The following DLG1 variants were observed in gnomAD, a reference collection of about 807,000 sequenced individuals.
DLG1 encodes the protein disks large homolog 1.
In DLG1, 42 loss-of-function variants were observed where a neutral mutation model predicts 123.4. The ratio of observed to expected loss-of-function variants is 0.34; its 90% CI spans 0.27 to 0.44. DLG1 has a LOEUF of 0.44. Among genes scored for constraint, DLG1 ranks in the 20% least tolerant of loss-of-function variants. The pLI, the probability that DLG1 is intolerant of heterozygous loss-of-function variation, is 1.00. For missense variants in DLG1, 942 were observed against 1,082.6 expected, an observed-to-expected ratio of 0.87 and a Z score of 1.82; for synonymous variants, 317 against 356.2, an observed-to-expected ratio of 0.89 and a Z score of 1.24.
intron 17 of DLG1, 123 bp downstream of exon 17, chr3:197,080,928 T>C (rs1388587884): frequency 7.8e-6 from 6 of 773,196 alleles, no homozygotes; most frequent in South Asian, 2.2e-5. Flanking sequence ...TGCTTAAGTA[T>C]CTACCATTGT....
chr3:197,139,731 G>A (rs541556575), intron 8 of DLG1, among the ~76,000 whole-genome samples: 3 of 152,200 alleles, frequency 2.0e-5, no homozygotes, highest in South Asian at 4.1e-4. Flanking sequence ...TTATATACAT[G>A]TTTCCCAGCC....
At chr3:197,090,721 T>C (rs1757281737) in intron 15 of DLG1, among the ~76,000 whole-genome samples, 191 bp downstream of exon 15, 1 of 152,094 alleles carries the variant, frequency 6.6e-6, no homozygotes, top group Non-Finnish European at 1.5e-5. Flanking sequence ...CTTTCATTAA[T>C]AAAATTATTA....
chr3:197,234,056 G>C (rs949417506), intron 4 of DLG1, among the ~76,000 whole-genome samples: 8 of 152,222 alleles, frequency 5.3e-5, no homozygotes, highest in African/African-American at 1.4e-4. Context: ...GGCTGTGGCT[G>C]AGCGCCAATG....
At chr3:197,263,656 G>A (rs371936998) in intron 4 of DLG1, among the ~76,000 whole-genome samples, 12 of 151,892 alleles carry the variant, frequency 7.9e-5, no homozygotes, top group South Asian at 2.1e-4. Flanking sequence ...GCGTGGTGGC[G>A]CATGCCTGTA....
intron 4 of DLG1, among the ~76,000 whole-genome samples, chr3:197,268,436 T>C (rs983850165): frequency 8.5e-5 from 13 of 152,154 alleles, no homozygotes; most frequent in African/African-American, 2.9e-4. Flanking sequence ...TTTCTTTTTT[T>C]GGAGACAGGG....
At chr3:197,249,718 T>C (rs546839009) in intron 4 of DLG1, among the ~76,000 whole-genome samples, 1 of 152,346 alleles carries the variant, frequency 6.6e-6, no homozygotes, top group Non-Finnish European at 1.5e-5. Context: ...TCACGCATCA[T>C]AATCAAGTGG....
intron 5 of DLG1, among the ~76,000 whole-genome samples, chr3:197,172,567 A>G (rs1294112328): frequency 1.3e-5 from 2 of 152,160 alleles, no homozygotes; most frequent in African/African-American, 2.4e-5. Flanking sequence ...AAACCATGCG[A>G]CTGTCAAAAG....
At chr3:197,269,659 C>T (rs2151029174) in intron 4 of DLG1, among the ~76,000 whole-genome samples, 1 of 152,236 alleles carries the variant, frequency 6.6e-6, no homozygotes, top group South Asian at 2.1e-4. Flanking sequence ...ACAGTTTGAT[C>T]AATTCTAAAG....
intron 3 of DLG1, among the ~76,000 whole-genome samples, chr3:197,290,424 T>C (rs1055369168): frequency 6.6e-6 from 1 of 151,406 alleles, no homozygotes; most frequent in Non-Finnish European, 1.5e-5. Flanking sequence ...CCACAAGGGG[T>C]AAAAAACAAT....
chr3:197,149,833 T>C, intron 5 of DLG1, 37 bp from the exon 6 acceptor site: 1 of 1,243,136 alleles, frequency 8.0e-7, no homozygotes, highest in Non-Finnish European at 1.2e-6. Flanking sequence ...AACAAGAAAA[T>C]AAAACATTAC....
chr3:197,296,340 T>A lies in DLG1; in HGVS notation c.151+6A>T. 6.2e-7 allele frequency: 1 copy of A among 1,612,084 alleles called. No homozygotes were observed. Among genetic ancestry groups the A allele is most frequent in the Non-Finnish European group, 8.5e-7 (1 of 1,178,508 alleles). ...GGCATAATAGTTACGAAGTTTTAATTCCCACCTATTAAAGCCTGAAAGAGG... is the reference window on the plus strand; with the variant it reads ...GGCATAATAGTTACGAAGTTTTAATACCCACCTATTAAAGCCTGAAAGAGG... On this transcript the variant is annotated splice_donor_region_variant and intron_variant, in intron 3 of 24. Transcript: ENST00000667157.
At chr3:197,088,264 G>C (rs1473053548) in intron 15 of DLG1, among the ~76,000 whole-genome samples, 1 of 151,916 alleles carries the variant, frequency 6.6e-6, no homozygotes, top group Admixed American at 6.6e-5. Flanking sequence ...AAGAAAATAG[G>C]ATAGCTAGAA....
At position 197,185,958 on chromosome 3, in the gene DLG1, T is replaced by C. The variant is rs528859286; in HGVS notation, c.483+8467A>G. ...ATTTACCCTACAGAGCCAAAGAACT[T>C]AGGGTACAATCTAAAGTTGACAGAT... On this transcript the variant is annotated intron_variant, in intron 5 of 24. Coordinates refer to ENST00000667157, the MANE Select transcript of DLG1 (RefSeq NM_001366207.1). 8.4e-4 allele frequency among the ~76,000 whole-genome samples: 128 copies of C among 152,142 alleles called. 2 individuals carry two copies. The highest frequency in any genetic ancestry group is 1.6e-3 in the Non-Finnish European group (108 of 68,012).
intron 5 of DLG1, among the ~76,000 whole-genome samples, chr3:197,175,437 A>AT (rs1290931445): frequency 6.6e-6 from 1 of 152,132 alleles, no homozygotes; most frequent in Non-Finnish European, 1.5e-5. Context: ...ATGCTTCACA[A>AT]TTTTTTCACA....
At chr3:197,223,750 C>T (rs1157319924) in intron 4 of DLG1, among the ~76,000 whole-genome samples, 1 of 152,184 alleles carries the variant, frequency 6.6e-6, no homozygotes, top group African/African-American at 2.4e-5. Context: ...AATGTTTTAA[C>T]TAGAAGTTGT....
chr3:197,159,587 A>C (rs190442401), intron 5 of DLG1, among the ~76,000 whole-genome samples: 159 of 152,310 alleles, frequency 1.0e-3, no homozygotes, highest in South Asian at 6.6e-3. Flanking sequence ...TATTCACTTA[A>C]TATGTTGAAA....
intron 3 of DLG1, among the ~76,000 whole-genome samples, chr3:197,293,405 T>G (rs1048732144): frequency 1.3e-5 from 2 of 152,378 alleles, no homozygotes; most frequent in South Asian, 2.1e-4. Flanking sequence ...ATGATTTCTA[T>G]ATTACATTGC....
intron 4 of DLG1, among the ~76,000 whole-genome samples, chr3:197,231,968 TA>T (rs2150622075): frequency 9.4e-6 from 1 of 106,934 alleles, no homozygotes; most frequent in African/African-American, 3.5e-5. Context: ...GGCAAACCTG[TA>T]AGATACAAAT....
intron 3 of DLG1, among the ~76,000 whole-genome samples, chr3:197,291,300 TACACACACACACACAC>T (rs33920543): frequency 1.6e-4 from 23 of 143,290 alleles, no homozygotes; most frequent in African/African-American, 2.9e-4. Context: ...CCTACAAAGT[TACACACACACACACAC>T]ACACACACAC....
Sources: allele counts gnomAD v4.1 joint callset (sites outside exome capture counted in the v4.1 genomes callset), GRCh38; gene constraint gnomAD v4.1.1; transcripts MANE v1.5; gene names NCBI Gene and HGNC (gene_info 2026-07-23, HGNC 2026-07-21).